The following ADGRB1 variants were observed in gnomAD, a reference collection of about 807,000 sequenced individuals.
ADGRB1 encodes brain-specific angiogenesis inhibitor 1.
ADGRB1 carries 36 observed loss-of-function variants against 175.7 expected under a neutral mutation model. The ratio of observed to expected loss-of-function variants is 0.20; its 90% confidence interval spans 0.16 to 0.27. ADGRB1 has a LOEUF of 0.27. ADGRB1 is among the 10% of genes least tolerant of loss of function. The pLI, the probability that ADGRB1 is intolerant of heterozygous loss-of-function variation, is 1.00. For missense variants in ADGRB1, 1,731 were observed against 2,255.3 expected, an observed-to-expected ratio of 0.77 and a Z score of 4.71; for synonymous variants, 1,054 against 979.4, an observed-to-expected ratio of 1.08 and a Z score of -1.42.
In ADGRB1 at chr8:142,536,881, C is replaced by A. The variant is rs912879934; in HGVS notation, c.3571-106C>A. ...GAGGCCTCCTGCTGACCAGCCCTGC[C>A]CTTCCCCGAGACGCCCGCCCCCCCA... On this transcript the variant is annotated intron_variant, in intron 25 of 30. Transcript: ENST00000517894. 4.3e-6 allele frequency: 4 copies of A among 940,766 alleles called. No homozygotes were observed. The Admixed American group carries it at 7.8e-5, about 18-fold the overall frequency. The allele number at this position is 940,766 out of a possible 1,614,324, so 58.3% of individuals were successfully genotyped here. A position where few individuals can be genotyped will look rare whatever the true frequency, so the allele number is the denominator to read the frequency against.
chr8:142,494,851 G>T (rs866589487), intron 17 of ADGRB1, among the ~76,000 whole-genome samples: 1 of 151,916 alleles, frequency 6.6e-6, no homozygotes, highest in Admixed American at 6.6e-5. Context: ...GGGGAATGGG[G>T]ATGCTAGGGA....
At chr8:142,527,805 C>T (rs1361812671) in intron 24 of ADGRB1, among the ~76,000 whole-genome samples, 2 of 152,208 alleles carry the variant, frequency 1.3e-5, no homozygotes, top group Non-Finnish European at 2.9e-5. Context: ...GTTTTGTTTG[C>T]TTCTTAGAAT....
Position 142,474,481 on chromosome 8 carries a change from C to T in ADGRB1, c.785-993C>T, listed in dbSNP as rs1012587469. ...CAGAGTGCTGGGCAGGAGGCCCGAG[C>T]GGGAGGCCTGGACGCGGCAGCCCCT... On this transcript the variant is annotated intron_variant, in intron 2 of 30. Transcript: ENST00000517894. The surrounding 1 kb of genome is among the most constrained non-coding windows in gnomAD (Gnocchi z 5.8). Among the ~76,000 whole-genome samples, 7 of 152,252 alleles carry T rather than the reference C, an allele frequency of 4.6e-5. No homozygotes were observed. Among genetic ancestry groups the T allele is most frequent in the African/African-American group, 1.7e-4 (7 of 41,552 alleles).
At chr8:142,506,621 A>G (rs2132013230) in intron 17 of ADGRB1, among the ~76,000 whole-genome samples, 1 of 152,324 alleles carries the variant, frequency 6.6e-6, no homozygotes, top group East Asian at 1.9e-4. Flanking sequence ...GTTTGCAGAG[A>G]TGGGAACAGG....
chr8:142,485,466 G>A (rs1191777167), intron 13 of ADGRB1, among the ~76,000 whole-genome samples: 2 of 152,222 alleles, frequency 1.3e-5, no homozygotes, highest in Non-Finnish European at 2.9e-5. Context: ...CGAGGTGGGA[G>A]GATCGCTTGA....
intron 25 of ADGRB1, among the ~76,000 whole-genome samples, chr8:142,535,912 G>T (rs1177925742): frequency 6.6e-6 from 1 of 152,184 alleles, no homozygotes; most frequent in African/African-American, 2.4e-5. Context: ...AGGCCACTGA[G>T]ACCCTGGTTT....
chr8:142,465,042 AGACAGGGGAGGC>A, intron 2 of ADGRB1, 60 bp downstream of exon 2: 2 of 657,680 alleles, frequency 3.0e-6, no homozygotes, highest in Non-Finnish European at 4.1e-6. Flanking sequence ...GGAGGCGGGC[AGACAGGGGAGGC>A]GGGCGGATGG....
chr8:142,539,420 G>T lies in ADGRB1; in HGVS notation c.3706+7G>T. 2.5e-6 allele frequency: 4 copies of T among 1,599,864 alleles called. No homozygotes were observed. Among genetic ancestry groups the T allele is most frequent in the Non-Finnish European group, 3.4e-6 (4 of 1,174,044 alleles). ...GATCTGGCCTGTAGATCAGGTGAGCGCCCGACAGGTGAGAGGACAGTGCCA... is the reference window on the plus strand; with the variant it reads ...GATCTGGCCTGTAGATCAGGTGAGCTCCCGACAGGTGAGAGGACAGTGCCA... On this transcript the variant is annotated splice_region_variant and intron_variant, in intron 27 of 30. Coordinates refer to ENST00000517894, the MANE Select transcript of ADGRB1 (RefSeq NM_001702.3).
intron 11 of ADGRB1, among the ~76,000 whole-genome samples, chr8:142,483,541 G>A (rs1364757750): frequency 6.9e-6 from 1 of 145,830 alleles, no homozygotes; most frequent in African/African-American, 2.6e-5. Flanking sequence ...CACATGCTGA[G>A]CCTCAATCCT....
chr8:142,516,987 C>T (rs1304649266), intron 18 of ADGRB1, among the ~76,000 whole-genome samples: 2 of 152,240 alleles, frequency 1.3e-5, no homozygotes, highest in African/African-American at 4.8e-5. Flanking sequence ...GCCATGGGGT[C>T]GGGAATGGCA....
chr8:142,529,212 G>A (rs1587421948), intron 24 of ADGRB1, among the ~76,000 whole-genome samples: 1 of 152,304 alleles, frequency 6.6e-6, no homozygotes, highest in East Asian at 1.9e-4. Context: ...ATGTGTGTGA[G>A]TGTGCATGCA....
Position 142,475,586 on chromosome 8 carries a change from C to T in ADGRB1, c.897C>T (p.Cys299=). ...CGCCGGGCGTGGAGGGCGGCGGCTG[C>T]GAGGGGGTGCTGGAGGAGGGTCGCC... is the stretch of plus-strand genomic sequence containing the variant. The part of the protein sequence containing the change: ...LPAPGVEGGG[C]EGVLEEGRQC... The change falls in exon 3 of 31, where the codon TGC becomes TGT. Residue 299 remains cysteine, a synonymous_variant. Coordinates refer to ENST00000517894, the MANE Select transcript of ADGRB1 (RefSeq NM_001702.3). The T allele has an allele frequency of 1.6e-6, 2 of 1,252,568 alleles. No homozygotes were observed. Among genetic ancestry groups the T allele is most frequent in the Non-Finnish European group, 2.0e-6 (2 of 999,022 alleles). The allele number at this position is 1,252,568 out of a possible 1,614,324, so 77.6% of individuals were successfully genotyped here.
intron 2 of ADGRB1, among the ~76,000 whole-genome samples, chr8:142,473,264 T>C (rs1288602495): frequency 1.3e-5 from 2 of 151,590 alleles, no homozygotes; most frequent in African/African-American, 4.9e-5. Context: ...GCGAGGGGGG[T>C]GCCGCAGGAC....
In ADGRB1 at chr8:142,543,884, G is replaced by A. The variant is rs764802269; in HGVS notation, c.4557+176G>A. On this transcript the variant is annotated intron_variant, in intron 30 of 30. Coordinates refer to ENST00000517894, the MANE Select transcript of ADGRB1 (RefSeq NM_001702.3). This position sits in a 1 kb window ranked among gnomAD's most constrained non-coding sequence, Gnocchi z 4.4. ...CCTGACCCTGCCATGCCAGACTCTGGAGGCCATGGCCATACTGGGAGCTGA... is the reference window on the plus strand; with the variant it reads ...CCTGACCCTGCCATGCCAGACTCTGAAGGCCATGGCCATACTGGGAGCTGA... Among the ~76,000 whole-genome samples the A allele has an allele frequency of 4.8e-4, 73 of 152,218 alleles. No homozygotes were observed. The highest frequency in any genetic ancestry group is 9.1e-4 in the Admixed American group (14 of 15,302).
chr8:142,542,157 C>T lies in ADGRB1; in HGVS notation c.3923C>T (p.Thr1308Ile). The stretch of plus-strand genomic sequence containing the variant: ...CCCGACTTCCCCAACCACTCACTGA[C>T]CCTCAAGAGGGACAAGGCGCCCAAG... ...PLPDFPNHSL[T>I]LKRDKAPKSS... Residue 1308 changes from threonine to isoleucine, a missense_variant, in exon 28 of 31, where the codon ACC (threonine) becomes ATC (isoleucine). By Grantham distance (89) the Thr-to-Ile change is moderately conservative (BLOSUM62 -1). Transcript: ENST00000517894. This position sits in a 1 kb window ranked among gnomAD's most constrained non-coding sequence, Gnocchi z 6.3. 1 of 1,613,678 alleles carries T rather than the reference C, an allele frequency of 6.2e-7. No individual in the cohort carries two copies. Among genetic ancestry groups the T allele is most frequent in the Non-Finnish European group, 8.5e-7 (1 of 1,179,828 alleles).
At chr8:142,527,385 C>G (rs1032603065) in intron 24 of ADGRB1, among the ~76,000 whole-genome samples, 2 of 152,134 alleles carry the variant, frequency 1.3e-5, no homozygotes, top group Non-Finnish European at 2.9e-5. Context: ...TGCTTGGTGT[C>G]TCTCTGTCTC....
Position 142,475,555 on chromosome 8 carries a change from T to C in ADGRB1, c.866T>C (p.Leu289Pro). The change falls in exon 3 of 31, where the codon CTG becomes CCG. Residue 289 changes from leucine to proline, a missense_variant. By Grantham distance (98) the Leu-to-Pro change is moderately conservative. This residue lies in a region of ADGRB1 where 178 missense variants were observed against 227.8 expected (regional missense o/e 0.78). Transcript: ENST00000517894. ...GGLQTRTRTC[L>P]PAPGVEGGGC... ...CTCCAGACGCGGACGCGCACCTGCC[T>C]GCCCGCGCCGGGCGTGGAGGGCGGC... is the stretch of plus-strand genomic sequence containing the variant. The C allele has an allele frequency of 7.8e-7, 1 of 1,280,230 alleles. No homozygotes were observed. Among genetic ancestry groups the C allele is most frequent in the Non-Finnish European group, 9.9e-7 (1 of 1,013,554 alleles). The allele number at this position is 1,280,230 out of a possible 1,614,324, so 79.3% of individuals were successfully genotyped here. A position where few individuals can be genotyped will look rare whatever the true frequency, so the allele number is the denominator to read the frequency against.
rs972131597 is a variant in ADGRB1, at chr8:142,543,748, A to T, written c.4557+40A>T. The T allele has an allele frequency of 2.0e-6, 3 of 1,507,332 alleles. No homozygotes were observed. Among genetic ancestry groups the T allele is most frequent in the South Asian group, 1.2e-5 (1 of 83,150 alleles). 93.4% of individuals were successfully genotyped at this position (1,507,332 alleles called of 1,614,324 possible). On this transcript the variant is annotated intron_variant, in intron 30 of 30. Transcript: ENST00000517894. This position sits in a 1 kb window ranked among gnomAD's most constrained non-coding sequence, Gnocchi z 4.4. ...GAGGGGCGGGGTGGGGAGAGCCCTT[A>T]GGTCAGGCCACCGTCTCCCTTCTTC...
intron 2 of ADGRB1, among the ~76,000 whole-genome samples, chr8:142,465,757 G>C (rs979467304): frequency 1.3e-5 from 2 of 152,232 alleles, no homozygotes; most frequent in Admixed American, 1.3e-4. Flanking sequence ...GGAGGTCAGG[G>C]AGGCTGCGAG....
Sources: gnomAD v4.1 joint callset for allele counts (sites outside exome capture counted in the v4.1 genomes callset) on GRCh38, gnomAD v4.1.1 for gene constraint, gnomAD v4.1.1 regional missense constraint, Gnocchi (gnomAD v3.1) non-coding constraint, MANE v1.5 for transcripts, NCBI Gene and HGNC (gene_info 2026-07-23, HGNC 2026-07-21) for gene names.